RAPGEF5: variants seen among roughly 807,000 people sequenced by gnomAD.
RAPGEF5 encodes the protein Rap guanine nucleotide exchange factor 5.
In RAPGEF5, 65 loss-of-function variants were observed where a neutral mutation model predicts 125.2. The observed-to-expected ratio is 0.52, with a 90% CI of 0.43 to 0.64. The LOEUF is 0.64. Among genes scored for constraint, RAPGEF5 ranks in the 30% least tolerant of loss-of-function variants. RAPGEF5 has a pLI of 0.00. For synonymous variants in RAPGEF5, 391 were observed against 385.9 expected (o/e 1.01, Z -0.16); for missense variants, 958 against 1,048.1 (o/e 0.91, Z 1.19).
intron 6 of RAPGEF5, among the ~76,000 whole-genome samples, chr7:22,268,538 C>T (rs552769289): frequency 6.6e-6 from 1 of 152,214 alleles, no homozygotes; most frequent in South Asian, 2.1e-4. Flanking sequence ...TTAGGATTTT[C>T]TTCATTCACA....
intron 9 of RAPGEF5, among the ~76,000 whole-genome samples, chr7:22,214,601 C>T (rs965773467): frequency 6.6e-6 from 1 of 152,158 alleles, no homozygotes; most frequent in African/African-American, 2.4e-5. Flanking sequence ...AACTATTTTA[C>T]TGAAAATAAA....
Position 22,337,014 on chromosome 7 carries a change from G to A in RAPGEF5, c.232-18977C>T, listed in dbSNP as rs79868473. Reference sequence around the variant, plus strand: ...CTGAGGTGGTGTCACTGCCCAACATGTTCATCTTGCCTGCTGCCCAGATAG... The same window carrying A: ...CTGAGGTGGTGTCACTGCCCAACATATTCATCTTGCCTGCTGCCCAGATAG... On this transcript the variant is annotated intron_variant, in intron 1 of 25. Transcript: ENST00000665637. Among the ~76,000 whole-genome samples, 9 of 152,272 alleles carry A rather than the reference G, an allele frequency of 5.9e-5. No homozygotes were observed. In the East Asian group the frequency reaches 1.7e-3, roughly 29 times the overall value.
chr7:22,245,639 G>A (rs1174103550), intron 7 of RAPGEF5, among the ~76,000 whole-genome samples: 2 of 152,000 alleles, frequency 1.3e-5, no homozygotes, highest in African/African-American at 4.8e-5. Context: ...AAAAGTACAT[G>A]TATTTTGAAT....
chr7:22,326,058 C>T (rs982993943), intron 1 of RAPGEF5, among the ~76,000 whole-genome samples: 3 of 152,212 alleles, frequency 2.0e-5, no homozygotes, highest in Admixed American at 2.0e-4. Flanking sequence ...CACCTTTCTT[C>T]CCTTCTTTGG....
intron 3 of RAPGEF5, among the ~76,000 whole-genome samples, chr7:22,310,728 T>G (rs1783450125): frequency 6.6e-6 from 1 of 152,208 alleles, no homozygotes; most frequent in Non-Finnish European, 1.5e-5. Flanking sequence ...TAAATTTGAT[T>G]GTTAATCTTT....
chr7:22,201,864 G>A (rs1562758928), intron 9 of RAPGEF5, among the ~76,000 whole-genome samples: 1 of 152,228 alleles, frequency 6.6e-6, no homozygotes, highest in Non-Finnish European at 1.5e-5. Context: ...AGAAGAGGGA[G>A]GAGAAATGGC....
intron 9 of RAPGEF5, among the ~76,000 whole-genome samples, chr7:22,197,975 T>C (rs1043331671): frequency 6.7e-6 from 1 of 149,912 alleles, no homozygotes; most frequent in Non-Finnish European, 1.5e-5. Context: ...CTGCCACCTC[T>C]GCATCTTGGG....
chr7:22,201,985 A>G (rs760520947), intron 9 of RAPGEF5, among the ~76,000 whole-genome samples: 7 of 152,216 alleles, frequency 4.6e-5, no homozygotes, highest in African/African-American at 7.2e-5. Context: ...CAAATGATGG[A>G]TAAGTGGACA....
intron 1 of RAPGEF5, among the ~76,000 whole-genome samples, chr7:22,324,665 A>C (rs1783779188): frequency 6.6e-6 from 1 of 152,204 alleles, no homozygotes; most frequent in African/African-American, 2.4e-5. Flanking sequence ...AATTATTCAA[A>C]TATTATCTCA....
chr7:22,139,982 T>G (rs1783205423), intron 21 of RAPGEF5, 43 bp downstream of exon 21: 2 of 1,471,090 alleles, frequency 1.4e-6, no homozygotes, highest in Non-Finnish European at 1.9e-6. Flanking sequence ...AATTACTTTA[T>G]TTCCATTTTA....
At chr7:22,158,827 T>C (rs1450055888) in intron 14 of RAPGEF5, among the ~76,000 whole-genome samples, 1 of 152,164 alleles carries the variant, frequency 6.6e-6, no homozygotes, top group Non-Finnish European at 1.5e-5. Context: ...GGTCTCACTA[T>C]GTTGCCCAGG....
At chr7:22,282,773 A>C (rs1432983632) in intron 6 of RAPGEF5, among the ~76,000 whole-genome samples, 1 of 152,218 alleles carries the variant, frequency 6.6e-6, no homozygotes, top group African/African-American at 2.4e-5. Context: ...AATGCAGGAT[A>C]ATGCATTAAC....
At chr7:22,353,938 G>A (rs981231851) in intron 1 of RAPGEF5, among the ~76,000 whole-genome samples, 4 of 152,154 alleles carry the variant, frequency 2.6e-5, no homozygotes, top group African/African-American at 7.2e-5. Flanking sequence ...CAAGCATGGT[G>A]GTGTGTGCCT....
At chr7:22,257,379 C>T (rs2128139538) in intron 7 of RAPGEF5, among the ~76,000 whole-genome samples, 1 of 152,318 alleles carries the variant, frequency 6.6e-6, no homozygotes, top group Non-Finnish European at 1.5e-5. Context: ...TTGATCACCT[C>T]CTAAAATCAC....
chr7:22,303,942 C>A (rs902396680), intron 5 of RAPGEF5, among the ~76,000 whole-genome samples: 1 of 152,118 alleles, frequency 6.6e-6, no homozygotes, highest in African/African-American at 2.4e-5. Context: ...GAGTATCACA[C>A]TGGCATGAGG....
intron 9 of RAPGEF5, among the ~76,000 whole-genome samples, chr7:22,207,550 G>T (rs1785424775): frequency 6.6e-6 from 1 of 152,010 alleles, no homozygotes; most frequent in Non-Finnish European, 1.5e-5. Context: ...TCTCTATGAA[G>T]GGCATACATT....
chr7:22,316,941 G>A (rs893316132), intron 2 of RAPGEF5, among the ~76,000 whole-genome samples: 1 of 150,648 alleles, frequency 6.6e-6, no homozygotes, highest in African/African-American at 2.4e-5. Context: ...AAGTAGGAAG[G>A]GAAGCAAATT....
chr7:22,247,521 C>T (rs970816888), intron 7 of RAPGEF5, among the ~76,000 whole-genome samples: 5 of 152,144 alleles, frequency 3.3e-5, no homozygotes, highest in African/African-American at 9.7e-5. Context: ...ACTCTCTTGC[C>T]TGCTGCCATC....
intron 1 of RAPGEF5, chr7:22,356,477 G>A (rs528245031): frequency 2.5e-4 from 40 of 158,176 alleles, no homozygotes; most frequent in Non-Finnish European, 4.5e-4. Flanking sequence ...GCTTGCGGTT[G>A]GGACAGGGCT....
Sources: allele counts gnomAD v4.1 joint callset (sites outside exome capture counted in the v4.1 genomes callset), GRCh38; gene constraint gnomAD v4.1.1; transcripts MANE v1.5; gene names NCBI Gene and HGNC (gene_info 2026-07-23, HGNC 2026-07-21).